GAB2: variants seen among roughly 807,000 people sequenced by gnomAD.
GAB2 encodes the protein GRB2-associated-binding protein 2.
A neutral mutation model predicts 65.5 loss-of-function variants in GAB2; 26 were observed. The observed-to-expected ratio is 0.40, with a 90% CI of 0.29 to 0.55. The LOEUF (loss-of-function observed/expected upper bound fraction) is 0.55. GAB2 is among the 20% of genes least tolerant of loss of function. The pLI, the probability that GAB2 is intolerant of heterozygous loss-of-function variation, is 0.53. For missense variants in GAB2, 884 were observed against 875.8 expected, an observed-to-expected ratio of 1.01 and a Z score of -0.12; for synonymous variants, 321 against 329.6, an observed-to-expected ratio of 0.97 and a Z score of 0.28.
At chr11:78,227,919 C>T (rs899049463) in intron 3 of GAB2, among the ~76,000 whole-genome samples, 1 of 152,080 alleles carries the variant, frequency 6.6e-6, no homozygotes, top group Non-Finnish European at 1.5e-5. Flanking sequence ...GATCTCTTTC[C>T]AGAGACCTAG....
At chr11:78,300,217 A>G (rs1455489214) in intron 1 of GAB2, among the ~76,000 whole-genome samples, 1 of 152,110 alleles carries the variant, frequency 6.6e-6, no homozygotes, top group Non-Finnish European at 1.5e-5. Flanking sequence ...TGCAGTATAT[A>G]TTCTTTTGTG....
intron 3 of GAB2, among the ~76,000 whole-genome samples, chr11:78,245,362 TA>T (rs1267207337): frequency 6.6e-6 from 1 of 152,182 alleles, no homozygotes; most frequent in East Asian, 1.9e-4. Flanking sequence ...ACATATAGAA[TA>T]ATAAAAATTA....
intron 1 of GAB2, among the ~76,000 whole-genome samples, chr11:78,317,286 G>A (rs1014902033): frequency 5.3e-5 from 8 of 151,962 alleles, no homozygotes; most frequent in Admixed American, 2.6e-4. Flanking sequence ...ACGATGGGCC[G>A]GGCACAGTGG....
intron 1 of GAB2, among the ~76,000 whole-genome samples, chr11:78,361,012 C>T (rs532375407): frequency 4.6e-5 from 7 of 152,122 alleles, no homozygotes; most frequent in Non-Finnish European, 7.4e-5. Context: ...CAAAACAAAG[C>T]GTATTGCTAT....
At chr11:78,223,311 A>T (rs1864516287) in intron 6 of GAB2, 101 bp downstream of exon 6, 3 of 960,084 alleles carry the variant, frequency 3.1e-6, no homozygotes, top group Non-Finnish European at 4.5e-6. Context: ...GATTTGCCCC[A>T]AGTCACACCT....
chr11:78,222,798 G>T (rs1354897614), intron 6 of GAB2, among the ~76,000 whole-genome samples: 2 of 152,074 alleles, frequency 1.3e-5, no homozygotes, highest in Non-Finnish European at 2.9e-5. Context: ...GGCCAGGCTG[G>T]TCTCGAACTT....
chr11:78,364,387 C>A (rs1222589648), intron 1 of GAB2, among the ~76,000 whole-genome samples: 1 of 152,118 alleles, frequency 6.6e-6, no homozygotes, highest in East Asian at 1.9e-4. Flanking sequence ...TGGATTTTGA[C>A]AAAAATTCAG....
At chr11:78,265,217 T>TATATATATAC (rs1046164029) in intron 2 of GAB2, among the ~76,000 whole-genome samples, 2 of 149,890 alleles carry the variant, frequency 1.3e-5, no homozygotes, top group Non-Finnish European at 3.0e-5. Flanking sequence ...TATATATATA[T>TATATATATAC]ATATATAAAA....
intron 1 of GAB2, among the ~76,000 whole-genome samples, chr11:78,293,980 A>C (rs1866751072): frequency 6.6e-6 from 1 of 152,208 alleles, no homozygotes; most frequent in Admixed American, 6.5e-5. Flanking sequence ...GGTTAGTTAC[A>C]TATGTATACA....
At chr11:78,340,065 A>C (rs1856067384) in intron 1 of GAB2, among the ~76,000 whole-genome samples, 1 of 152,222 alleles carries the variant, frequency 6.6e-6, no homozygotes. Context: ...ATAAAAGAAC[A>C]AGCAGTTGTG....
intron 2 of GAB2, among the ~76,000 whole-genome samples, chr11:78,273,583 C>T (rs917137462): frequency 2.6e-5 from 4 of 152,244 alleles, no homozygotes; most frequent in African/African-American, 4.8e-5. Context: ...TTTACAGGCT[C>T]ATAGGCGGAA....
chr11:78,245,333 C>A (rs1865267794), intron 3 of GAB2, among the ~76,000 whole-genome samples: 1 of 151,586 alleles, frequency 6.6e-6, no homozygotes, highest in Non-Finnish European at 1.5e-5. Flanking sequence ...AAGAAAAAAT[C>A]ATTCAGAGGA....
Position 78,224,245 on chromosome 11 carries a change from G to A in GAB2, c.1303-569C>T, listed in dbSNP as rs182264253. ...ACTGGGTCCACTTGGCTTTCTGGAC[G>A]CCTGACCAACACTGTGGGTGGCATA... is the stretch of plus-strand genomic sequence containing the variant. On this transcript the variant is annotated intron_variant, in intron 5 of 9. Coordinates refer to ENST00000361507, the MANE Select transcript of GAB2 (RefSeq NM_080491.3). Among the ~76,000 whole-genome samples the A allele has an allele frequency of 9.7e-4, 148 of 152,130 alleles. 1 individual carries two copies. Among genetic ancestry groups the A allele is most frequent in the African/African-American group, 3.4e-3 (141 of 41,492 alleles).
At chr11:78,348,403 GAC>G (rs1247622669) in intron 1 of GAB2, among the ~76,000 whole-genome samples, 1 of 152,150 alleles carries the variant, frequency 6.6e-6, no homozygotes, top group East Asian at 1.9e-4. Flanking sequence ...GAAGATAAAT[GAC>G]ACAATTTTTT....
At chr11:78,256,805 G>T (rs747841645) in intron 2 of GAB2, among the ~76,000 whole-genome samples, 1 of 152,202 alleles carries the variant, frequency 6.6e-6, no homozygotes, top group Non-Finnish European at 1.5e-5. Flanking sequence ...GAGAAGAAAA[G>T]AATGGTGAAA....
At chr11:78,228,648 G>A (rs1378001469) in intron 3 of GAB2, among the ~76,000 whole-genome samples, 1 of 152,124 alleles carries the variant, frequency 6.6e-6, no homozygotes, top group Admixed American at 6.6e-5. Flanking sequence ...CATGTAAACT[G>A]TACCCACCAT....
chr11:78,252,087 A>G (rs731600), intron 2 of GAB2, among the ~76,000 whole-genome samples: 43,417 of 152,142 alleles, frequency 0.29, 7,823 homozygotes, highest in African/African-American at 0.5. Flanking sequence ...ACTCATGTCA[A>G]AGGGGACACA....
intron 1 of GAB2, among the ~76,000 whole-genome samples, chr11:78,332,774 A>C (rs1380260343): frequency 6.6e-6 from 1 of 152,236 alleles, no homozygotes; most frequent in African/African-American, 2.4e-5. Flanking sequence ...AACTATTAAG[A>C]AGTGTTGTTT....
rs898721891 is a variant in GAB2 at position 78,219,282 on chromosome 11, G to A, written c.2021C>T (p.Ala674Val). 16 of 1,613,238 alleles carry A rather than the reference G, an allele frequency of 9.9e-6. No individual in the cohort carries two copies. In the African/African-American group the frequency reaches 2.0e-4, roughly 20 times the overall value. Reference protein sequence around the residue: ...VRQSSEPSKGAKL With the variant: ...VRQSSEPSKGVKL ...GCGGTGGCCCTCTCATCACAGCTTG[G>A]CACCCTTGGAAGGCTCTGAGGACTG... Residue 674 changes from alanine to valine, a missense_variant, in exon 10 of 10, where the codon GCC becomes GTC. Physicochemically the swap from Ala to Val is moderately conservative, Grantham distance 64. Coordinates refer to ENST00000361507, the MANE Select transcript of GAB2 (RefSeq NM_080491.3).
Sources: gnomAD v4.1 joint callset for allele counts (sites outside exome capture counted in the v4.1 genomes callset) on GRCh38, gnomAD v4.1.1 for gene constraint, MANE v1.5 for transcripts, NCBI Gene and HGNC (gene_info 2026-07-23, HGNC 2026-07-21) for gene names.